Variants in TAFA5 observed in about 807,000 individuals in gnomAD.
The protein encoded by TAFA5 is TAFA chemokine like family member 5, also known as chemokine-like protein TAFA-5.
A neutral mutation model predicts 15.3 loss-of-function variants in TAFA5; 6 were observed. The ratio of observed to expected loss-of-function variants is 0.39; its 90% confidence interval spans 0.21 to 0.77. TAFA5 has a LOEUF of 0.77. Ranked by LOEUF, TAFA5 falls within the 30% of genes least tolerant of loss-of-function variation. The probability of loss-of-function intolerance (pLI) is 0.41; values close to 1 mark genes in which losing one functional copy is unlikely to be tolerated. For synonymous variants in TAFA5, 103 were observed against 80.7 expected (o/e 1.28, Z -1.48); for missense variants, 161 against 193.1 (o/e 0.83, Z 0.98).
intron 1 of TAFA5, among the ~76,000 whole-genome samples, chr22:48,632,819 GTC>G (rs1309603652): frequency 6.6e-6 from 1 of 152,212 alleles, no homozygotes. Context: ...CCAGGGCGGA[GTC>G]TCTGCAGCCC....
chr22:48,542,661 G>GGT (rs1438438667), intron 1 of TAFA5, among the ~76,000 whole-genome samples: 1 of 130,456 alleles, frequency 7.7e-6, no homozygotes, highest in South Asian at 2.6e-4. Context: ...GTGTGTGTGT[G>GGT]GTGTGTGTGT....
intron 1 of TAFA5, among the ~76,000 whole-genome samples, chr22:48,516,789 C>T (rs984223078): frequency 1.3e-5 from 2 of 152,184 alleles, no homozygotes; most frequent in African/African-American, 4.8e-5. Flanking sequence ...CCAGCCAGGC[C>T]AGTGCTGACC....
chr22:48,499,120 C>A (rs538284172), intron 1 of TAFA5, among the ~76,000 whole-genome samples: 1 of 152,178 alleles, frequency 6.6e-6, no homozygotes, highest in Non-Finnish European at 1.5e-5. Flanking sequence ...TGTCTCTGCA[C>A]GTTTCCACAC....
At chr22:48,539,732 A>G (rs1022185650) in intron 1 of TAFA5, among the ~76,000 whole-genome samples, 1 of 152,140 alleles carries the variant, frequency 6.6e-6, no homozygotes, top group African/African-American at 2.4e-5. Flanking sequence ...CTGTCAGAGA[A>G]TTTCAGGAGA....
chr22:48,734,686 C>T (rs1262065016), intron 3 of TAFA5, among the ~76,000 whole-genome samples: 2 of 152,256 alleles, frequency 1.3e-5, no homozygotes, highest in Non-Finnish European at 2.9e-5. Context: ...GCTCTTCTGA[C>T]TGCTGTTTTC....
intron 1 of TAFA5, chr22:48,546,446 T>C: frequency 2.1e-6 from 1 of 470,268 alleles, no homozygotes; most frequent in Non-Finnish European, 4.4e-6. Flanking sequence ...CCCTATCCTC[T>C]TGGAGCTTGT....
At position 48,646,673 on chromosome 22, in the gene TAFA5, G is replaced by C. The variant is rs779233802; in HGVS notation, c.189G>C (p.Arg63=). 1.2e-6 allele frequency: 2 copies of C among 1,611,652 alleles called. No homozygotes were observed. Among genetic ancestry groups the C allele is most frequent in the South Asian group, 2.2e-5 (2 of 91,042 alleles). The change falls in exon 2 of 4, where the codon CGG becomes CGC. Residue 63 remains arginine (R), a synonymous_variant. Coordinates refer to ENST00000402357, the MANE Select transcript of TAFA5 (RefSeq NM_001082967.3). ...GCCAGCCTCGGAGGACGATCGCCCG[G>C]CAGACCGCCCGCTGTGCGTGTAGAA... is the stretch of plus-strand genomic sequence containing the variant. ...DSSQPRRTIA[R]QTARCACRKG...
chr22:48,513,212 G>A (rs1271121030), intron 1 of TAFA5, among the ~76,000 whole-genome samples: 2 of 152,198 alleles, frequency 1.3e-5, no homozygotes, highest in South Asian at 2.1e-4. Context: ...TCCTCACTCC[G>A]CATTGGTGAT....
intron 1 of TAFA5, among the ~76,000 whole-genome samples, chr22:48,601,351 A>C (rs1924965774): frequency 6.6e-6 from 1 of 151,296 alleles, no homozygotes; most frequent in South Asian, 2.1e-4. Context: ...TTGAGATGGA[A>C]TTTTCGCTCT....
At chr22:48,563,553 C>T (rs1270047669) in intron 1 of TAFA5, among the ~76,000 whole-genome samples, 1 of 152,230 alleles carries the variant, frequency 6.6e-6, no homozygotes, top group Non-Finnish European at 1.5e-5. Flanking sequence ...GTGCCTGCAT[C>T]TGCCATCTGA....
In TAFA5 at chr22:48,751,612, C is replaced by CA. The variant is rs767453541; in HGVS notation, c.*1766dup. On this transcript the variant is annotated 3_prime_UTR_variant, in exon 4 of 4. Coordinates refer to ENST00000402357, the MANE Select transcript of TAFA5 (RefSeq NM_001082967.3). ...ATGAGGACATAATTTACCTTTCAGT[C>CA]ACCACAAATTTATAGGCATTTGTAT... is the stretch of plus-strand genomic sequence containing the variant. 1.3e-4 allele frequency: 20 copies of CA among 152,354 alleles called. No homozygotes were observed. The highest frequency in any genetic ancestry group is 2.4e-4 in the Non-Finnish European group (16 of 68,048). The allele number at this position is 152,354 out of a possible 1,614,324, so 9.4% of individuals were successfully genotyped here. A position where few individuals can be genotyped will look rare whatever the true frequency, so the allele number is the denominator to read the frequency against.
intron 1 of TAFA5, among the ~76,000 whole-genome samples, chr22:48,587,225 C>A (rs955557854): frequency 1.3e-5 from 2 of 152,150 alleles, no homozygotes; most frequent in Non-Finnish European, 1.5e-5. Flanking sequence ...CCATGCATTC[C>A]GGGGCTCTGG....
At chr22:48,725,145 G>C (rs976836178) in intron 3 of TAFA5, among the ~76,000 whole-genome samples, 3 of 152,260 alleles carry the variant, frequency 2.0e-5, no homozygotes, top group African/African-American at 7.2e-5. Context: ...GAAGATGAAG[G>C]CCTGCTGCAC....
At chr22:48,633,510 CTG>C (rs1450032547) in intron 1 of TAFA5, among the ~76,000 whole-genome samples, 5,028 of 73,088 alleles carry the variant, frequency 0.069, 350 homozygotes, top group African/African-American at 0.23. Flanking sequence ...GTCTGTCTGT[CTG>C]TCTGTCTGTC....
intron 2 of TAFA5, among the ~76,000 whole-genome samples, chr22:48,690,119 C>A (rs1348711706): frequency 6.6e-6 from 1 of 151,938 alleles, no homozygotes; most frequent in Non-Finnish European, 1.5e-5. Context: ...CCTGTGCTCC[C>A]CCCACCCCTC....
At chr22:48,604,602 T>C (rs554276879) in intron 1 of TAFA5, among the ~76,000 whole-genome samples, 70 of 152,352 alleles carry the variant, frequency 4.6e-4, no homozygotes, top group African/African-American at 1.7e-3. Context: ...GGCCAGGTCC[T>C]CTTGCTTTGT....
intron 1 of TAFA5, among the ~76,000 whole-genome samples, chr22:48,582,440 A>G (rs1231235115): frequency 6.6e-6 from 1 of 151,336 alleles, no homozygotes; most frequent in Non-Finnish European, 1.5e-5. Flanking sequence ...CACACACAAA[A>G]TACACCACAT....
chr22:48,548,090 G>A (rs1410263529), intron 1 of TAFA5, among the ~76,000 whole-genome samples: 2 of 152,220 alleles, frequency 1.3e-5, no homozygotes, highest in Admixed American at 6.5e-5. Flanking sequence ...ATGGCAGCTG[G>A]TGCTGCAGGT....
chr22:48,557,370 G>A (rs1923076994), intron 1 of TAFA5, among the ~76,000 whole-genome samples: 2 of 152,274 alleles, frequency 1.3e-5, no homozygotes, highest in South Asian at 4.1e-4. Context: ...GAGGAGGGCG[G>A]CGCCGGGAGG....
Sources: allele counts gnomAD v4.1 joint callset (sites outside exome capture counted in the v4.1 genomes callset), GRCh38; gene constraint gnomAD v4.1.1; transcripts MANE v1.5; gene names NCBI Gene and HGNC (gene_info 2026-07-23, HGNC 2026-07-21).